Variants in ARHGEF38 observed in about 807,000 individuals in gnomAD.
ARHGEF38 encodes the protein Rho guanine nucleotide exchange factor 38, also known as Rho guanine nucleotide exchange factor (GEF) 38.
ARHGEF38 carries 79 observed loss-of-function variants against 79.9 expected under a neutral mutation model. The ratio of observed to expected loss-of-function variants is 0.99; its 90% CI spans 0.82 to 1.19. The LOEUF (loss-of-function observed/expected upper bound fraction) is 1.19, where lower values mean the gene tolerates loss of function less well. Ranked by LOEUF, ARHGEF38 falls within the 50% of genes most tolerant of loss-of-function variation. The probability of loss-of-function intolerance (pLI) is 0.00; values close to 1 mark genes in which losing one functional copy is unlikely to be tolerated. For synonymous variants in ARHGEF38, 366 were observed against 328.3 expected (o/e 1.11, Z -1.24); for missense variants, 962 against 907.2 (o/e 1.06, Z -0.78).
In ARHGEF38 at chr4:105,648,960, C is replaced by A. The variant is rs533903635; in HGVS notation, c.1008+278C>A. Among the ~76,000 whole-genome samples, 13 of 152,098 alleles carry A rather than the reference C, an allele frequency of 8.5e-5. No individual in the cohort carries two copies. In the South Asian group the frequency reaches 2.7e-3, roughly 32 times the overall value. On this transcript the variant is annotated intron_variant, in intron 7 of 13. Coordinates refer to ENST00000420470, the MANE Select transcript of ARHGEF38 (RefSeq NM_001242729.2). Reference sequence around the variant, plus strand: ...GAAACAGACAAAAGAGAGACACGGACATGGGACATAAGGTTGCCCCAGGAG... The same window carrying A: ...GAAACAGACAAAAGAGAGACACGGAAATGGGACATAAGGTTGCCCCAGGAG...
chr4:105,642,625 T>C (rs1304801406), intron 5 of ARHGEF38, among the ~76,000 whole-genome samples: 3 of 152,160 alleles, frequency 2.0e-5, no homozygotes, highest in Non-Finnish European at 4.4e-5. Context: ...CTGAAGGATG[T>C]ACTCTATCAA....
At chr4:105,577,151 G>A (rs909062319) in intron 1 of ARHGEF38, among the ~76,000 whole-genome samples, 1 of 150,034 alleles carries the variant, frequency 6.7e-6, no homozygotes, top group Non-Finnish European at 1.5e-5. Flanking sequence ...TGCACAATGT[G>A]CAGGTTAGTT....
chr4:105,581,839 G>A (rs1052296685), intron 1 of ARHGEF38, among the ~76,000 whole-genome samples: 1 of 151,882 alleles, frequency 6.6e-6, no homozygotes, highest in Non-Finnish European at 1.5e-5. Context: ...ATGGTATCGT[G>A]TTTCCGTGTG....
chr4:105,562,467 G>A (rs1192453765), intron 1 of ARHGEF38, among the ~76,000 whole-genome samples: 1 of 152,010 alleles, frequency 6.6e-6, no homozygotes, highest in Non-Finnish European at 1.5e-5. Context: ...TACCCACTAT[G>A]TAATGGTAGT....
Position 105,666,126 on chromosome 4 carries a change from A to C in ARHGEF38, c.1546-51A>C. ...CACAACTCAATACATTTAACACCTGATATGATTATCTAGGTGTCTGGAAAC... is the reference window on the plus strand; with the variant it reads ...CACAACTCAATACATTTAACACCTGCTATGATTATCTAGGTGTCTGGAAAC... On this transcript the variant is annotated intron_variant, in intron 10 of 13. Coordinates refer to ENST00000420470, the MANE Select transcript of ARHGEF38 (RefSeq NM_001242729.2). 3.5e-6 allele frequency: 5 copies of C among 1,439,932 alleles called. No individual in the cohort carries two copies. The South Asian group carries it at 4.4e-5, about 13-fold the overall frequency. 89.2% of individuals were successfully genotyped at this position (1,439,932 alleles called of 1,614,324 possible).
chr4:105,597,010 A>G (rs1364439205), intron 2 of ARHGEF38, among the ~76,000 whole-genome samples: 6 of 151,902 alleles, frequency 3.9e-5, no homozygotes, highest in Non-Finnish European at 8.8e-5. Context: ...CTATCTGAAT[A>G]CTCTCACCAC....
intron 3 of ARHGEF38, among the ~76,000 whole-genome samples, chr4:105,628,696 A>AAC: frequency 6.6e-6 from 1 of 151,946 alleles, no homozygotes. Flanking sequence ...AAAATCTTAA[A>AAC]ACACACACAC....
chr4:105,582,434 TA>T (rs1482635007), intron 1 of ARHGEF38, among the ~76,000 whole-genome samples: 2 of 152,106 alleles, frequency 1.3e-5, no homozygotes, highest in African/African-American at 4.8e-5. Context: ...TAATTTGTAA[TA>T]TTTTTCTTAT....
rs1480893154 is a variant in ARHGEF38, at chr4:105,678,456, AC to A, written c.*520del. ...ATAAATCAGAGTATACACCAAATAT[AC>A]ATAAGAAGAATATACCACCAACTAG... On this transcript the variant is annotated 3_prime_UTR_variant, in exon 14 of 14. Coordinates refer to ENST00000420470, the MANE Select transcript of ARHGEF38 (RefSeq NM_001242729.2). 3 of 152,248 alleles carry A rather than the reference AC, an allele frequency of 2.0e-5. No homozygotes were observed. The highest frequency in any genetic ancestry group is 7.2e-5 in the African/African-American group (3 of 41,450). 9.4% of individuals were successfully genotyped at this position (152,248 alleles called of 1,614,324 possible). A position where few individuals can be genotyped will look rare whatever the true frequency, so the allele number is the denominator to read the frequency against.
Position 105,644,056 on chromosome 4 carries a change from C to T in ARHGEF38, c.675-1132C>T, listed in dbSNP as rs146080489. Among the ~76,000 whole-genome samples the T allele has an allele frequency of 4.6e-4, 70 of 151,558 alleles. No individual in the cohort carries two copies. In the Middle Eastern group the frequency reaches 0.01, roughly 22 times the overall value. ...TAACTTTTGTATTTTTTTCTAGAGA[C>T]GGGGTTTTGCTATGTTGCCCAGGCT... On this transcript the variant is annotated intron_variant, in intron 5 of 13. Transcript: ENST00000420470.
intron 2 of ARHGEF38, among the ~76,000 whole-genome samples, chr4:105,607,083 C>T (rs1173107654): frequency 2.6e-5 from 4 of 151,948 alleles, no homozygotes; most frequent in Admixed American, 2.0e-4. Context: ...TTGGTTTTTC[C>T]TCCCTGTGAT....
Position 105,667,692 on chromosome 4 carries a change from G to C in ARHGEF38, c.2137G>C (p.Val713Leu), listed in dbSNP as rs143852501. The C allele has an allele frequency of 4.4e-4, 677 of 1,536,142 alleles. 4 individuals carry two copies. The African/African-American group carries it at 7.8e-3, about 18-fold the overall frequency. The change falls in exon 13 of 14, where the codon GTA becomes CTA. Residue 713 changes from valine (V) to leucine (L), a missense_variant. Transcript: ENST00000420470. ...NGTDVDSFQE[V>L]DEQIFYAVHA... ...TACTGATGTTGACAGTTTTCAAGAA[G>C]TAGACGAACAGGTAAAAATTTGATG...
chr4:105,585,855 C>A (rs954146137), intron 1 of ARHGEF38, among the ~76,000 whole-genome samples: 3 of 148,816 alleles, frequency 2.0e-5, no homozygotes, highest in African/African-American at 7.4e-5. Context: ...CCTTAGCCTC[C>A]CAAGTAGCTG....
At chr4:105,608,672 A>T (rs112334484) in intron 2 of ARHGEF38, among the ~76,000 whole-genome samples, 29 of 152,086 alleles carry the variant, frequency 1.9e-4, no homozygotes, top group Non-Finnish European at 2.1e-4. Context: ...AATTATTGTT[A>T]ACTATAGTCA....
chr4:105,670,409 TG>T (rs1447987222), intron 13 of ARHGEF38, among the ~76,000 whole-genome samples: 1 of 152,188 alleles, frequency 6.6e-6, no homozygotes, highest in Non-Finnish European at 1.5e-5. Flanking sequence ...CATTTTTTCA[TG>T]GGCTCATTTG....
At chr4:105,624,033 A>G (rs1045017099) in intron 3 of ARHGEF38, among the ~76,000 whole-genome samples, 2 of 151,572 alleles carry the variant, frequency 1.3e-5, no homozygotes, top group African/African-American at 4.9e-5. Flanking sequence ...CCCATCCTCC[A>G]CTCTGCTCTT....
At position 105,679,510 on chromosome 4, in the gene ARHGEF38, C is replaced by T; in HGVS notation, c.*1573C>T. The T allele has an allele frequency of 1.4e-6, 2 of 1,437,494 alleles. No homozygotes were observed. Among genetic ancestry groups the T allele is most frequent in the Non-Finnish European group, 2.0e-6 (2 of 1,021,816 alleles). 89.0% of individuals were successfully genotyped at this position (1,437,494 alleles called of 1,614,324 possible). ...TCAGAGTTGATTAAAGATCATGGTT[C>T]AAAGCTTGATACACCAGAAATGTGG... On this transcript the variant is annotated 3_prime_UTR_variant, in exon 14 of 14. Coordinates refer to ENST00000420470, the MANE Select transcript of ARHGEF38 (RefSeq NM_001242729.2).
intron 2 of ARHGEF38, among the ~76,000 whole-genome samples, chr4:105,610,162 A>G (rs1035526261): frequency 6.6e-6 from 1 of 151,992 alleles, no homozygotes; most frequent in Non-Finnish European, 1.5e-5. Flanking sequence ...AACAATGAGA[A>G]CTCATGGACA....
Position 105,648,674 on chromosome 4 carries a change from G to A in ARHGEF38, c.1000G>A (p.Glu334Lys). 2 of 1,512,150 alleles carry A rather than the reference G, an allele frequency of 1.3e-6. No individual in the cohort carries two copies. The highest frequency in any genetic ancestry group is 2.8e-5 in the African/African-American group (2 of 71,688). The allele number at this position is 1,512,150 out of a possible 1,614,324, so 93.7% of individuals were successfully genotyped here. Residue 334 changes from glutamate (E) to lysine (K), a missense_variant, in exon 7 of 14, where the codon GAA (glutamate) becomes AAA (lysine). Glu to Lys is a moderately conservative substitution (Grantham distance 56). Transcript: ENST00000420470. ...TCATCTGAAGATTCTGACCAGAGGA[G>A]AATCACAGGTAATTTTTCTTCTTGG... ...TNHLKILTRG[E>K]SQVKDNTFNR...
Sources: gnomAD v4.1 joint callset for allele counts (sites outside exome capture counted in the v4.1 genomes callset) on GRCh38, gnomAD v4.1.1 for gene constraint, MANE v1.5 for transcripts, NCBI Gene and HGNC (gene_info 2026-07-23, HGNC 2026-07-21) for gene names.